Variants in TEX14 observed in about 807,000 individuals in gnomAD.
The protein encoded by TEX14 is testis expressed 14, intercellular bridge forming factor.
In TEX14, 168 loss-of-function variants were observed where a neutral mutation model predicts 178.6. That is an observed-to-expected ratio of 0.94 (90% CI 0.83 to 1.07). TEX14 has a LOEUF of 1.07. Ranked by LOEUF, TEX14 falls within the 50% of genes least tolerant of loss-of-function variation. The pLI is 0.00. For missense variants in TEX14, 1,730 were observed against 1,753.6 expected (o/e 0.99, Z 0.24); for synonymous variants, 626 against 634.1 (o/e 0.99, Z 0.19).
At chr17:58,559,899 T>C (rs1260657852) in intron 29 of TEX14, among the ~76,000 whole-genome samples, 2 of 152,194 alleles carry the variant, frequency 1.3e-5, no homozygotes, top group South Asian at 2.1e-4. Flanking sequence ...TCAACCACTA[T>C]GCTATACTGC....
intron 2 of TEX14, among the ~76,000 whole-genome samples, chr17:58,641,235 AC>A (rs1484377174): frequency 1.3e-4 from 19 of 151,600 alleles, no homozygotes; most frequent in Non-Finnish European, 2.5e-4. Flanking sequence ...ATATGGAGAA[AC>A]CCCGTCTCTA....
At chr17:58,568,446 T>C (rs1567991693) in intron 26 of TEX14, among the ~76,000 whole-genome samples, 2 of 152,120 alleles carry the variant, frequency 1.3e-5, no homozygotes, top group Non-Finnish European at 1.5e-5. Flanking sequence ...AACCAAGGGG[T>C]GCCCCTCAGG....
chr17:58,630,353 G>T, intron 3 of TEX14, 87 bp downstream of exon 3: 3 of 1,067,020 alleles, frequency 2.8e-6, no homozygotes, highest in Non-Finnish European at 4.2e-6. Context: ...ACCGCACCCG[G>T]CCAAACGTTT....
At chr17:58,689,579 T>A (rs2047657503) in intron 1 of TEX14, among the ~76,000 whole-genome samples, 1 of 152,196 alleles carries the variant, frequency 6.6e-6, no homozygotes, top group African/African-American at 2.4e-5. Flanking sequence ...TTATCCACAC[T>A]ACACAGATGT....
intron 1 of TEX14, among the ~76,000 whole-genome samples, chr17:58,663,882 A>C (rs551841481): frequency 9.7e-4 from 148 of 152,230 alleles, no homozygotes; most frequent in African/African-American, 3.4e-3. Flanking sequence ...TAAAAACCAT[A>C]CTAACTCTAT....
rs199921367 is a variant in TEX14, at chr17:58,617,639, GA to G, written c.555-21del. On this transcript the variant is annotated intron_variant, in intron 5 of 31. Transcript: ENST00000349033. ...GGGTTTCTAGAAATATTTAAAACAG[GA>G]AAAAAACCTCAGAATTAACCACTCA... The G allele has an allele frequency of 1.4e-3, 2,125 of 1,572,982 alleles. 28 individuals are homozygous for G. The African/African-American group carries it at 0.023, about 17-fold the overall frequency.
intron 29 of TEX14, among the ~76,000 whole-genome samples, chr17:58,560,798 G>C (rs1031667280): frequency 3.9e-5 from 6 of 152,138 alleles, no homozygotes; most frequent in African/African-American, 1.4e-4. Flanking sequence ...AGCCCCACAT[G>C]TGTCCTAGGA....
At chr17:58,660,407 A>C (rs1360469455) in intron 1 of TEX14, 5 of 390,788 alleles carry the variant, frequency 1.3e-5, no homozygotes, top group African/African-American at 8.3e-5. Flanking sequence ...ATCTCAAAAA[A>C]ATAAATAAAA....
chr17:58,589,634 C>T (rs2045075114), intron 15 of TEX14, among the ~76,000 whole-genome samples: 1 of 146,408 alleles, frequency 6.8e-6, no homozygotes, highest in Admixed American at 7.1e-5. Context: ...CCCTACTCTC[C>T]AGCTGGACCA....
At position 58,564,980 on chromosome 17, in the gene TEX14, T is replaced by G. The variant is rs1567989993; in HGVS notation, c.3965-12A>C. ...TAAGTGCCTTTGATCTAAAAACAGT[T>G]GAAAGAATTAACTTTATTAGAACGA... On this transcript the variant is annotated splice_polypyrimidine_tract_variant and intron_variant, in intron 27 of 31. Transcript: ENST00000349033. 6.6e-7 allele frequency: 1 copy of G among 1,521,880 alleles called. No homozygotes were observed. The highest frequency in any genetic ancestry group is 2.3e-5 in the East Asian group (1 of 44,300). The allele number at this position is 1,521,880 out of a possible 1,614,324, so 94.3% of individuals were successfully genotyped here. A position where few individuals can be genotyped will look rare whatever the true frequency, so the allele number is the denominator to read the frequency against.
intron 1 of TEX14, among the ~76,000 whole-genome samples, chr17:58,682,266 T>TC (rs2143564534): frequency 6.7e-6 from 1 of 149,796 alleles, no homozygotes; most frequent in East Asian, 2.0e-4. Flanking sequence ...GTCTTTCTTT[T>TC]TTTTTTTTTG....
chr17:58,587,853 AC>A (rs1598360972), intron 16 of TEX14, 42 bp downstream of exon 16: 1 of 603,450 alleles, frequency 1.7e-6, no homozygotes, highest in Non-Finnish European at 2.9e-6. Context: ...ACCCACCCCC[AC>A]CCCCGCTCCA....
At chr17:58,605,703 A>T (rs1056515878) in intron 10 of TEX14, among the ~76,000 whole-genome samples, 1 of 152,198 alleles carries the variant, frequency 6.6e-6, no homozygotes, top group African/African-American at 2.4e-5. Context: ...TGCTCTGCCC[A>T]CAGATCCTAG....
chr17:58,563,621 T>TTATA lies in TEX14; in HGVS notation c.4064+1244_4064+1247dup, dbSNP rs3034889. Among the ~76,000 whole-genome samples the TTATA allele has an allele frequency of 3.2e-3, 146 of 46,304 alleles. 1 individual carries two copies. The highest frequency in any genetic ancestry group is 5.6e-3 in the African/African-American group (56 of 10,022). The allele number at this position is 46,304 out of a possible 152,430, so 30.4% of individuals were successfully genotyped here. A position where few individuals can be genotyped will look rare whatever the true frequency, so the allele number is the denominator to read the frequency against. On this transcript the variant is annotated intron_variant, in intron 28 of 31. Coordinates refer to ENST00000349033, the MANE Select transcript of TEX14 (RefSeq NM_031272.5). ...GGGCAACATAAAGCCCATCTCTAAT[T>TTATA]TATATATATATATATATATATATAT...
intron 2 of TEX14, among the ~76,000 whole-genome samples, chr17:58,642,945 T>C (rs2046608923): frequency 6.6e-6 from 1 of 152,338 alleles, no homozygotes; most frequent in African/African-American, 2.4e-5. Context: ...ATCATCCTTG[T>C]ATGGGCCTCT....
intron 1 of TEX14, among the ~76,000 whole-genome samples, chr17:58,664,336 A>G (rs970445492): frequency 1.3e-5 from 2 of 152,214 alleles, no homozygotes; most frequent in Non-Finnish European, 2.9e-5. Context: ...CACAGGTACT[A>G]ACAGACCCTT....
At chr17:58,673,303 A>G (rs1031112200) in intron 1 of TEX14, among the ~76,000 whole-genome samples, 1 of 151,474 alleles carries the variant, frequency 6.6e-6, no homozygotes, top group Admixed American at 6.6e-5. Flanking sequence ...ATATGGCGAA[A>G]CCATAAAAAA....
At chr17:58,656,073 G>T (rs999357048) in intron 1 of TEX14, among the ~76,000 whole-genome samples, 2 of 152,182 alleles carry the variant, frequency 1.3e-5, no homozygotes, top group Non-Finnish European at 2.9e-5. Flanking sequence ...GGCCGAAGTG[G>T]GTGGATCATC....
chr17:58,661,790 T>C (rs1260811238), intron 1 of TEX14: 5 of 505,042 alleles, frequency 9.9e-6, no homozygotes, highest in Non-Finnish European at 1.0e-5. Context: ...GCTGCTCCAC[T>C]CCGGGTCTTC....
Sources: gnomAD v4.1 joint callset for allele counts (sites outside exome capture counted in the v4.1 genomes callset) on GRCh38, gnomAD v4.1.1 for gene constraint, MANE v1.5 for transcripts, NCBI Gene and HGNC (gene_info 2026-07-23, HGNC 2026-07-21) for gene names.